Variants in ANO2 observed in about 807,000 individuals in gnomAD.
ANO2 encodes anoctamin 2.
Under a neutral mutation model 124.2 loss-of-function variants are expected in ANO2, and 101 were observed. The ratio of observed to expected loss-of-function variants is 0.81; its 90% CI spans 0.69 to 0.96. The LOEUF is 0.96. ANO2 is among the 40% of genes least tolerant of loss of function. ANO2 has a pLI of 0.00. For missense variants in ANO2, 1,293 were observed against 1,274.5 expected (o/e 1.01, Z -0.22); for synonymous variants, 486 against 482.5 (o/e 1.01, Z -0.09).
chr12:5,566,308 A>G (rs1941756640), intron 23 of ANO2, among the ~76,000 whole-genome samples: 1 of 152,188 alleles, frequency 6.6e-6, no homozygotes, highest in Admixed American at 6.5e-5. Flanking sequence ...ATCTGTCTGC[A>G]TGGTTTAAAC....
intron 14 of ANO2, among the ~76,000 whole-genome samples, chr12:5,713,826 G>T (rs547159268): frequency 6.6e-6 from 1 of 152,160 alleles, no homozygotes; most frequent in South Asian, 2.1e-4. Context: ...AGGCTGAAAG[G>T]ACTGAGGGGA....
intron 14 of ANO2, among the ~76,000 whole-genome samples, chr12:5,724,168 T>C (rs1950343040): frequency 6.6e-6 from 1 of 152,070 alleles, no homozygotes; most frequent in Non-Finnish European, 1.5e-5. Flanking sequence ...ATAACCAGGC[T>C]CACATCTCAC....
At chr12:5,701,087 A>ATTT (rs56113538) in intron 14 of ANO2, among the ~76,000 whole-genome samples, 18,913 of 93,530 alleles carry the variant, frequency 0.2, 2,178 homozygotes, top group Admixed American at 0.25. Flanking sequence ...GTCATTTTCA[A>ATTT]TTTTTTTTTT....
intron 14 of ANO2, among the ~76,000 whole-genome samples, chr12:5,706,115 G>A (rs1411658512): frequency 6.6e-6 from 1 of 152,180 alleles, no homozygotes; most frequent in South Asian, 2.1e-4. Context: ...TTATATGACC[G>A]TGGCAATATT....
chr12:5,760,493 A>G (rs1214496832), intron 10 of ANO2, among the ~76,000 whole-genome samples: 1 of 152,198 alleles, frequency 6.6e-6, no homozygotes, highest in Non-Finnish European at 1.5e-5. Flanking sequence ...ATCCCAAACA[A>G]CTATCTTAAT....
intron 14 of ANO2, among the ~76,000 whole-genome samples, chr12:5,712,038 G>A (rs1315958129): frequency 6.6e-6 from 1 of 152,148 alleles, no homozygotes; most frequent in African/African-American, 2.4e-5. Flanking sequence ...CCAAAATGTT[G>A]TGCCGAGCTG....
intron 20 of ANO2, among the ~76,000 whole-genome samples, chr12:5,592,285 C>G (rs1943434004): frequency 6.6e-6 from 1 of 152,104 alleles, no homozygotes; most frequent in Non-Finnish European, 1.5e-5. Context: ...AAGACATTGT[C>G]CCTGTCCCCA....
chr12:5,808,816 A>G (rs1712761591), intron 7 of ANO2, among the ~76,000 whole-genome samples: 1 of 152,126 alleles, frequency 6.6e-6, no homozygotes, highest in African/African-American at 2.4e-5. Context: ...AGAGACCCGC[A>G]GAGGATCTCA....
chr12:5,637,502 G>A lies in ANO2; in HGVS notation c.1621-2155C>T, dbSNP rs551049754. ...ATCAGCTTCTGTTCTTCTCTAAGAG[G>A]CCCAGCTGCTAAACTAGAGAAGGAA... On this transcript the variant is annotated intron_variant, in intron 15 of 24. Transcript: ENST00000682330. 2.0e-5 allele frequency among the ~76,000 whole-genome samples: 3 copies of A among 151,726 alleles called. No individual in the cohort carries two copies. The South Asian group carries it at 6.3e-4, about 32-fold the overall frequency.
At chr12:5,896,572 A>G (rs1939806674) in intron 3 of ANO2, among the ~76,000 whole-genome samples, 1 of 152,230 alleles carries the variant, frequency 6.6e-6, no homozygotes, top group African/African-American at 2.4e-5. Context: ...ACCATTGAAG[A>G]TAATGGGTGC....
intron 13 of ANO2, chr12:5,732,888 C>T (rs1219089486): frequency 7.4e-6 from 12 of 1,613,766 alleles, no homozygotes; most frequent in Non-Finnish European, 9.3e-6. Flanking sequence ...CTGGGGATAG[C>T]GCCGGTGTTG....
chr12:5,609,646 T>C (rs956982050), intron 19 of ANO2, among the ~76,000 whole-genome samples: 5 of 151,926 alleles, frequency 3.3e-5, no homozygotes, highest in African/African-American at 4.8e-5. Context: ...GGGATATACA[T>C]CCTTTAGTGG....
At chr12:5,727,296 A>T (rs61704430) in intron 14 of ANO2, among the ~76,000 whole-genome samples, 31,509 of 151,846 alleles carry the variant, frequency 0.21, 3,492 homozygotes, top group Middle Eastern at 0.27. Context: ...TCAGTATGTG[A>T]CGTGCCTGCT....
chr12:5,832,784 A>G (rs2137219771), intron 4 of ANO2, among the ~76,000 whole-genome samples, 181 bp from the exon 5 acceptor site: 1 of 152,170 alleles, frequency 6.6e-6, no homozygotes, highest in East Asian at 1.9e-4. Flanking sequence ...AAGGACCTGG[A>G]CTCCTGACTC....
At chr12:5,864,404 A>G (rs1459204368) in intron 3 of ANO2, among the ~76,000 whole-genome samples, 1 of 152,264 alleles carries the variant, frequency 6.6e-6, no homozygotes, top group Non-Finnish European at 1.5e-5. Context: ...CTTCCAGCAC[A>G]CAGAACCAGC....
At chr12:5,715,926 A>G (rs1246756268) in intron 14 of ANO2, among the ~76,000 whole-genome samples, 1 of 152,238 alleles carries the variant, frequency 6.6e-6, no homozygotes, top group Non-Finnish European at 1.5e-5. Flanking sequence ...TAATAAATCC[A>G]CATGATAAAA....
chr12:5,916,491 T>TAAAAAAAAAAAAA lies in ANO2; in HGVS notation c.534+4548_534+4549insTTTTTTTTTTTTT, dbSNP rs769233593. On this transcript the variant is annotated intron_variant, in intron 3 of 24. Coordinates refer to ENST00000682330, the MANE Select transcript of ANO2 (RefSeq NM_001364791.2). ...CTCTGAATAGAAAAATCGCAGCAGG[T>TAAAAAAAAAAAAA]TAAAAAAAAAAAAAAAAAAAAAGGC... Among the ~76,000 whole-genome samples the TAAAAAAAAAAAAA allele has an allele frequency of 9.6e-3, 936 of 97,978 alleles. 60 individuals carry two copies. Among genetic ancestry groups the TAAAAAAAAAAAAA allele is most frequent in the Non-Finnish European group, 0.013 (640 of 49,510 alleles). 64.3% of individuals were successfully genotyped at this position (97,978 alleles called of 152,430 possible).
intron 20 of ANO2, among the ~76,000 whole-genome samples, chr12:5,591,731 T>A (rs1401339577): frequency 6.6e-6 from 1 of 152,200 alleles, no homozygotes; most frequent in Non-Finnish European, 1.5e-5. Flanking sequence ...GGAGTCATAC[T>A]TTGGGGTGAA....
intron 3 of ANO2, among the ~76,000 whole-genome samples, chr12:5,860,815 C>T (rs928432316): frequency 6.6e-6 from 1 of 152,208 alleles, no homozygotes; most frequent in Admixed American, 6.5e-5. Flanking sequence ...ATTGACACAG[C>T]CTCACTCGTG....
Sources: allele counts gnomAD v4.1 joint callset (sites outside exome capture counted in the v4.1 genomes callset), GRCh38; gene constraint gnomAD v4.1.1; transcripts MANE v1.5; gene names NCBI Gene and HGNC (gene_info 2026-07-23, HGNC 2026-07-21).